The following CILK1 variants were observed in gnomAD, a reference collection of about 807,000 sequenced individuals.
CILK1 encodes ciliogenesis associated kinase 1.
A neutral mutation model predicts 79.2 loss-of-function variants in CILK1; 47 were observed. The ratio of observed to expected loss-of-function variants is 0.59; its 90% confidence interval spans 0.47 to 0.76. The LOEUF is 0.76. CILK1 is among the 30% of genes least tolerant of loss of function. The pLI is 0.00. For synonymous variants in CILK1, 266 were observed against 275.9 expected, an observed-to-expected ratio of 0.96 and a Z score of 0.36; for missense variants, 660 against 769.5, an observed-to-expected ratio of 0.86 and a Z score of 1.68.
chr6:53,012,045 A>T lies in CILK1; in HGVS notation c.1335T>A (p.Thr445=). 1 of 1,614,142 alleles carries T rather than the reference A, an allele frequency of 6.2e-7. No homozygotes were observed. Among genetic ancestry groups the T allele is most frequent in the Non-Finnish European group, 8.5e-7 (1 of 1,180,008 alleles). ...GTGAGCAGCACACTTGCCTGCAGAGAGTGTCATCACTCTGTCTTTTCTTGT... is the reference window on the plus strand; with the variant it reads ...GTGAGCAGCACACTTGCCTGCAGAGTGTGTCATCACTCTGTCTTTTCTTGT... ...LKNKKRQSDD[T]LCRFESVLDL... The change falls in exon 10 of 14, where the codon ACT becomes ACA. Residue 445 remains threonine (T), a synonymous_variant. Transcript: ENST00000676107.
chr6:53,006,418 A>G lies in CILK1; in HGVS notation c.1641T>C (p.Ser547=). The stretch of plus-strand genomic sequence containing the variant: ...CATAGTTTCCAGTCAGTCCACTAGA[A>G]CTTGTAGAGCTGGAACCAACTGATT... ...KVNSVGSSST[S]SSGLTGNYVP... is the part of the protein sequence containing the mutation. Residue 547 remains serine (S), a synonymous_variant, in exon 13 of 14, where the codon AGT becomes AGC. Coordinates refer to ENST00000676107, the MANE Select transcript of CILK1 (RefSeq NM_014920.5). 6.2e-7 allele frequency: 1 copy of G among 1,613,956 alleles called. No individual in the cohort carries two copies. Among genetic ancestry groups the G allele is most frequent in the Non-Finnish European group, 8.5e-7 (1 of 1,179,888 alleles).
chr6:53,054,395 T>C (rs867750785), intron 1 of CILK1, among the ~76,000 whole-genome samples: 4 of 152,230 alleles, frequency 2.6e-5, no homozygotes, highest in Non-Finnish European at 5.9e-5. Flanking sequence ...TCCTCAAAGA[T>C]TGTTTGAAGG....
chr6:53,006,912 C>T (rs1006713907), intron 12 of CILK1, among the ~76,000 whole-genome samples: 3 of 152,124 alleles, frequency 2.0e-5, no homozygotes, highest in Non-Finnish European at 4.4e-5. Flanking sequence ...CAAGTAATTA[C>T]ACACTAAATA....
chr6:53,028,287 G>C (rs1362923430), intron 5 of CILK1, among the ~76,000 whole-genome samples: 1 of 152,232 alleles, frequency 6.6e-6, no homozygotes, highest in African/African-American at 2.4e-5. Context: ...CTGCACTCCA[G>C]CCTGGGTGAC....
chr6:53,023,760 C>T (rs2127427280), intron 5 of CILK1, among the ~76,000 whole-genome samples: 1 of 152,324 alleles, frequency 6.6e-6, no homozygotes, highest in South Asian at 2.1e-4. Flanking sequence ...GGACAATCCT[C>T]TCTGTTCATC....
intron 9 of CILK1, 130 bp from the exon 10 acceptor site, chr6:53,012,357 G>A: frequency 2.5e-6 from 2 of 789,256 alleles, no homozygotes; most frequent in Non-Finnish European, 4.3e-6. Flanking sequence ...TTATCTGAAG[G>A]GGCAACTGTA....
intron 7 of CILK1, 99 bp downstream of exon 7, chr6:53,018,231 G>T: frequency 8.9e-7 from 1 of 1,121,846 alleles, no homozygotes; most frequent in Non-Finnish European, 1.4e-6. Flanking sequence ...AGCCTAGAAT[G>T]GGCAGGTGCT....
chr6:53,048,015 G>A (rs891002413), intron 1 of CILK1, among the ~76,000 whole-genome samples: 2 of 151,912 alleles, frequency 1.3e-5, no homozygotes, highest in Non-Finnish European at 2.9e-5. Context: ...AGTTCTTATT[G>A]GGAACACAGC....
At chr6:53,030,808 G>A (rs1463784742) in intron 5 of CILK1, among the ~76,000 whole-genome samples, 1 of 152,158 alleles carries the variant, frequency 6.6e-6, no homozygotes, top group East Asian at 1.9e-4. Flanking sequence ...TCAATGGTCA[G>A]AAACAATATT....
rs758717575 is a variant in CILK1 at position 53,009,483 on chromosome 6, C to T, written c.1577G>A (p.Gly526Glu). The T allele has an allele frequency of 2.0e-5, 32 of 1,613,640 alleles. No homozygotes were observed. The highest frequency in any genetic ancestry group is 2.5e-5 in the Non-Finnish European group (29 of 1,179,616). The change falls in exon 12 of 14, where the codon GGA (glycine) becomes GAA (glutamate). Residue 526 changes from glycine to glutamate, a missense_variant. By Grantham distance (98) the Gly-to-Glu change is moderately conservative. Coordinates refer to ENST00000676107, the MANE Select transcript of CILK1 (RefSeq NM_014920.5). ...TACTGACATTGTCCCTGAAGATTTT[C>T]CAGACAAGCCAGAACTAGACCATGG... ...PNPWSSSGLSGKSSGTMSVIS... is the reference protein window; with the variant it reads ...PNPWSSSGLSEKSSGTMSVIS...
intron 12 of CILK1, among the ~76,000 whole-genome samples, chr6:53,006,855 TTTC>T (rs1269045123): frequency 6.6e-6 from 1 of 152,230 alleles, no homozygotes; most frequent in African/African-American, 2.4e-5. Flanking sequence ...ATTTAACCAT[TTTC>T]TTATTGATCA....
chr6:53,010,683 G>T (rs183653336), intron 11 of CILK1, among the ~76,000 whole-genome samples: 2 of 152,168 alleles, frequency 1.3e-5, no homozygotes, highest in African/African-American at 4.8e-5. Context: ...GGTGTGCTCT[G>T]CCCTCAGCTC....
intron 1 of CILK1, among the ~76,000 whole-genome samples, chr6:53,059,226 G>C (rs963363070): frequency 3.9e-5 from 6 of 152,016 alleles, no homozygotes; most frequent in Admixed American, 1.3e-4. Flanking sequence ...GGGTGAAACT[G>C]GGGGGGAGCA....
chr6:53,027,810 G>C (rs1765670007), intron 5 of CILK1, among the ~76,000 whole-genome samples: 3 of 152,116 alleles, frequency 2.0e-5, no homozygotes, highest in Admixed American at 2.0e-4. Flanking sequence ...TTGGAGACCA[G>C]GCTGGCCAAC....
chr6:53,057,308 T>TA (rs574335098), intron 1 of CILK1, among the ~76,000 whole-genome samples: 364 of 152,292 alleles, frequency 2.4e-3, no homozygotes, highest in Middle Eastern at 0.02. Flanking sequence ...TGATCTCTCC[T>TA]AAAAAAACGT....
rs553843421 is a variant in CILK1, at chr6:53,034,627, T to C, written c.157-1973A>G. On this transcript the variant is annotated intron_variant, in intron 3 of 13. Transcript: ENST00000676107. ...GGGACTGAGAAACACTTTCTAACTA[T>C]TAAAACAACAATGTACTGGGCCCCC... 3.3e-5 allele frequency among the ~76,000 whole-genome samples: 5 copies of C among 152,252 alleles called. No homozygotes were observed. In the South Asian group the frequency reaches 1.0e-3, roughly 32 times the overall value.
At position 53,017,682 on chromosome 6, in the gene CILK1, G is replaced by T. The variant is rs571722453; in HGVS notation, c.663+648C>A. Among the ~76,000 whole-genome samples, 22 of 152,326 alleles carry T rather than the reference G, an allele frequency of 1.4e-4. 1 individual carries two copies. In the South Asian group the frequency reaches 3.9e-3, roughly 27 times the overall value. On this transcript the variant is annotated intron_variant, in intron 7 of 13. Coordinates refer to ENST00000676107, the MANE Select transcript of CILK1 (RefSeq NM_014920.5). ...ATGGGGAAGATGACATTAGACACAG[G>T]GGGGTGACTGTGGTCCAGTCTGTAA...
rs550993856 is a variant in CILK1, at chr6:53,003,806, T to C, written c.*1343A>G. The C allele has an allele frequency of 3.9e-5, 6 of 152,736 alleles. No individual in the cohort carries two copies. The highest frequency in any genetic ancestry group is 1.4e-4 in the African/African-American group (6 of 41,568). The allele number at this position is 152,736 out of a possible 1,614,324, so 9.5% of individuals were successfully genotyped here. On this transcript the variant is annotated 3_prime_UTR_variant, in exon 14 of 14. Coordinates refer to ENST00000676107, the MANE Select transcript of CILK1 (RefSeq NM_014920.5). ...AACCAATAGAGAGTAGTTTGAGCCC[T>C]AGGAGAATATGAATCAATACACTGT...
At chr6:53,028,880 G>A (rs143365331) in intron 5 of CILK1, among the ~76,000 whole-genome samples, 58 of 152,030 alleles carry the variant, frequency 3.8e-4, no homozygotes, top group Admixed American at 1.2e-3. Context: ...ATGCATGTGG[G>A]TATGTGTACA....
Sources: gnomAD v4.1 joint callset for allele counts (sites outside exome capture counted in the v4.1 genomes callset) on GRCh38, gnomAD v4.1.1 for gene constraint, MANE v1.5 for transcripts, NCBI Gene and HGNC (gene_info 2026-07-23, HGNC 2026-07-21) for gene names.